Variants in ERAP1 observed in about 807,000 individuals in gnomAD.
ERAP1 encodes the protein endoplasmic reticulum aminopeptidase 1.
A neutral mutation model predicts 103.7 loss-of-function variants in ERAP1; 86 were observed. The ratio of observed to expected loss-of-function variants is 0.83; its 90% CI spans 0.70 to 0.99. ERAP1 has a LOEUF of 0.99. Among genes scored for constraint, ERAP1 ranks in the 50% least tolerant of loss-of-function variants. The pLI is 0.00. For missense variants in ERAP1, 1,009 were observed against 1,128.4 expected (o/e 0.89, Z 1.52); for synonymous variants, 398 against 402.4 (o/e 0.99, Z 0.13).
At chr5:96,808,187 CG>C, upstream of ERAP1, 2 of 770,902 alleles carry the variant, frequency 2.6e-6, no homozygotes, top group East Asian at 4.4e-4. Context: ...AACGCGGATC[CG>C]TGTGTGTGTG....
intron 17 of ERAP1, among the ~76,000 whole-genome samples, chr5:96,780,766 A>G (rs575013558): frequency 6.6e-6 from 1 of 152,350 alleles, no homozygotes; most frequent in South Asian, 2.1e-4. Context: ...GTGAACAAGC[A>G]AATGTGTTCA....
chr5:96,883,674 A>C, the ERAP1 span: 1 of 962,774 alleles, frequency 1.0e-6, no homozygotes, highest in Non-Finnish European at 1.5e-6. Context: ...CAAAGATTGC[A>C]GTTTGAGAAA....
At chr5:96,908,910 T>C in the ERAP1 span, 3 of 1,533,178 alleles carry the variant, frequency 2.0e-6, no homozygotes, top group Non-Finnish European at 2.6e-6. Flanking sequence ...GTTAAAAATA[T>C]TAAAAACTAT....
At chr5:96,896,151 G>A in the ERAP1 span, among the ~76,000 whole-genome samples, 1 of 152,210 alleles carries the variant, frequency 6.6e-6, no homozygotes, top group African/African-American at 2.4e-5. Flanking sequence ...TTCAGGCAAT[G>A]TCTGAAGGAA....
the ERAP1 span, among the ~76,000 whole-genome samples, chr5:96,887,218 T>G: frequency 2.0e-4 from 30 of 151,782 alleles, no homozygotes; most frequent in African/African-American, 4.1e-4. Context: ...CATTTAAAAT[T>G]TTAAATAATA....
chr5:96,916,235 CA>C, the ERAP1 span, among the ~76,000 whole-genome samples: 1 of 112,504 alleles, frequency 8.9e-6, no homozygotes, highest in Non-Finnish European at 2.0e-5. Flanking sequence ...AAACAAAAAA[CA>C]AAAACAAAAA....
the ERAP1 span, chr5:96,912,645 C>T: frequency 6.2e-7 from 1 of 1,607,362 alleles, no homozygotes; most frequent in Non-Finnish European, 8.5e-7. Context: ...AGTATACCAA[C>T]AGATGTTTTA....
In ERAP1 at chr5:96,783,240, G is replaced by A. The variant is rs1286567641; in HGVS notation, c.2101-5C>T. On this transcript the variant is annotated splice_region_variant and splice_polypyrimidine_tract_variant and intron_variant, in intron 14 of 18. Coordinates refer to ENST00000443439, the MANE Select transcript of ERAP1 (RefSeq NM_001040458.3). The stretch of plus-strand genomic sequence containing the variant: ...TAGCAGCCTGATGAGGAAGGCCTGA[G>A]GGCGTTGTACAGGGAAACAGGGACC... The A allele has an allele frequency of 6.2e-7, 1 of 1,609,194 alleles. No homozygotes were observed. Among genetic ancestry groups the A allele is most frequent in the South Asian group, 1.1e-5 (1 of 90,898 alleles).
At chr5:96,886,844 G>T in the ERAP1 span, 1 of 1,330,482 alleles carries the variant, frequency 7.5e-7, no homozygotes, top group Non-Finnish European at 9.7e-7. Context: ...TGAGAGCAAT[G>T]AACTTTTGTT....
chr5:96,930,414 C>T, the ERAP1 span, among the ~76,000 whole-genome samples: 1 of 152,178 alleles, frequency 6.6e-6, no homozygotes, highest in African/African-American at 2.4e-5. Flanking sequence ...ACACATTTAT[C>T]CTTTGATAAA....
the ERAP1 span, among the ~76,000 whole-genome samples, chr5:96,907,503 T>G: frequency 9.8e-5 from 15 of 152,334 alleles, no homozygotes; most frequent in African/African-American, 3.6e-4. Context: ...CTATTGCTGA[T>G]GCTAAGGTAT....
the ERAP1 span, among the ~76,000 whole-genome samples, chr5:96,866,191 G>A: frequency 3.9e-5 from 6 of 152,108 alleles, no homozygotes; most frequent in Admixed American, 6.6e-5. Flanking sequence ...ATTATGCCAA[G>A]CCTGTACTTT....
At chr5:96,902,260 ACT>A in the ERAP1 span, 38 of 1,561,666 alleles carry the variant, frequency 2.4e-5, no homozygotes, top group Non-Finnish European at 3.4e-5. Flanking sequence ...AACTATCTTT[ACT>A]CTCTGTCATA....
rs564103204 is a variant in ERAP1 at position 96,789,623 on chromosome 5, G to C, written c.1524+673C>G. Among the ~76,000 whole-genome samples, 176 of 152,286 alleles carry C rather than the reference G, an allele frequency of 1.2e-3. 1 individual carries two copies. Among genetic ancestry groups the C allele is most frequent in the African/African-American group, 4.1e-3 (171 of 41,562 alleles). ...GAAAAAAGAAACAAAAAATTCTGTT[G>C]TATCTCCAGACTCACCCTCAGCTTC... On this transcript the variant is annotated intron_variant, in intron 10 of 18. Transcript: ENST00000443439.
chr5:96,889,056 C>T, the ERAP1 span: 1 of 1,115,526 alleles, frequency 9.0e-7, no homozygotes, highest in South Asian at 1.6e-5. Flanking sequence ...TTATTGACAA[C>T]ATGCTTAATG....
intron 16 of ERAP1, 137 bp downstream of exon 16, chr5:96,781,556 T>G: frequency 8.9e-7 from 1 of 1,118,426 alleles, no homozygotes; most frequent in East Asian, 2.4e-5. Flanking sequence ...CCTTTCTCAT[T>G]AGATGTGTGC....
At chr5:96,801,629 G>A (rs895986824) in intron 2 of ERAP1, among the ~76,000 whole-genome samples, 7 of 151,254 alleles carry the variant, frequency 4.6e-5, no homozygotes, top group African/African-American at 1.2e-4. Flanking sequence ...CTAGGCGGGC[G>A]GATCACGAGG....
chr5:96,853,235 T>G, the ERAP1 span, among the ~76,000 whole-genome samples: 1 of 152,174 alleles, frequency 6.6e-6, no homozygotes, highest in Non-Finnish European at 1.5e-5. Flanking sequence ...ATAGCCAAAC[T>G]TTATTCTCTA....
At chr5:96,768,381 G>C in intron 19 of ERAP1, 1 of 457,310 alleles carries the variant, frequency 2.2e-6, no homozygotes. Context: ...ACTGCGCCTG[G>C]CCCTTACAAT....
Sources: allele counts gnomAD v4.1 joint callset (sites outside exome capture counted in the v4.1 genomes callset), GRCh38; gene constraint gnomAD v4.1.1; transcripts MANE v1.5; gene names NCBI Gene and HGNC (gene_info 2026-07-23, HGNC 2026-07-21).